Variants in ZNF83 observed in about 807,000 individuals in gnomAD.
ZNF83 encodes the protein zinc finger protein 83.
For synonymous variants in ZNF83, 209 were observed against 213.0 expected (o/e 0.98, Z 0.17); for missense variants, 552 against 629.9 (o/e 0.88, Z 1.32).
intron 1 of ZNF83, among the ~76,000 whole-genome samples, chr19:52,677,306 T>TAAAAA (rs67835464): frequency 1.9e-5 from 2 of 106,460 alleles, no homozygotes; most frequent in East Asian, 5.1e-4. Context: ...AATTGAGAAG[T>TAAAAA]AAAAAAAAAA....
At chr19:52,630,279 A>T (rs534269194) in intron 2 of ZNF83, among the ~76,000 whole-genome samples, 10 of 152,210 alleles carry the variant, frequency 6.6e-5, no homozygotes, top group Non-Finnish European at 1.3e-4. Context: ...GGAAGCCTAC[A>T]GGACCATCAC....
In ZNF83 at chr19:52,654,133, T is replaced by C. The variant is rs975371497; in HGVS notation, c.-74+1428A>G. ...TGAATAAAAGCTTGATCCAAGCTGA[T>C]CTTTAATAGGCTTGTTTCCAGCATG... On this transcript the variant is annotated intron_variant, in intron 3 of 5. Transcript: ENST00000594682. 7.5e-6 allele frequency: 12 copies of C among 1,605,614 alleles called. No homozygotes were observed. The East Asian group carries it at 2.7e-4, about 36-fold the overall frequency.
intron 2 of ZNF83, chr19:52,619,198 C>A: frequency 1.3e-6 from 2 of 1,595,478 alleles, no homozygotes; most frequent in Non-Finnish European, 1.7e-6. Context: ...TTTTTCACCA[C>A]ATGATGTCTT....
At chr19:52,618,344 C>T (rs936894618) in intron 2 of ZNF83, among the ~76,000 whole-genome samples, 1 of 151,868 alleles carries the variant, frequency 6.6e-6, no homozygotes, top group African/African-American at 2.4e-5. Flanking sequence ...ACTGCAAGCT[C>T]CGTCCCCTGG....
At chr19:52,660,151 A>G (rs1347429394) in intron 2 of ZNF83, among the ~76,000 whole-genome samples, 2 of 151,984 alleles carry the variant, frequency 1.3e-5, no homozygotes, top group Non-Finnish European at 2.9e-5. Flanking sequence ...GTAAGACCAC[A>G]GTAGTAAGCT....
At chr19:52,662,155 A>G (rs930196665) in intron 1 of ZNF83, among the ~76,000 whole-genome samples, 13 of 152,228 alleles carry the variant, frequency 8.5e-5, no homozygotes, top group African/African-American at 2.7e-4. Flanking sequence ...TCATGTATAC[A>G]CACAACTTTT....
At chr19:52,649,197 C>G (rs2061412421) in intron 3 of ZNF83, among the ~76,000 whole-genome samples, 1 of 152,190 alleles carries the variant, frequency 6.6e-6, no homozygotes, top group African/African-American at 2.4e-5. Context: ...CCAATTCCAG[C>G]CACACCAGGA....
chr19:52,630,937 G>C (rs892256386), intron 2 of ZNF83, among the ~76,000 whole-genome samples: 1 of 150,544 alleles, frequency 6.6e-6, no homozygotes, highest in African/African-American at 2.5e-5. Context: ...AAATTGTTTT[G>C]CCTATCCACC....
intron 1 of ZNF83, among the ~76,000 whole-genome samples, chr19:52,679,609 T>C (rs2061874457): frequency 6.6e-6 from 1 of 151,872 alleles, no homozygotes; most frequent in Non-Finnish European, 1.5e-5. Flanking sequence ...AGACTGTATC[T>C]CAAAAAATAA....
At chr19:52,620,058 G>C (rs1036635860) in intron 2 of ZNF83, among the ~76,000 whole-genome samples, 5 of 151,918 alleles carry the variant, frequency 3.3e-5, no homozygotes, top group Non-Finnish European at 1.5e-5. Context: ...CAAAATACAA[G>C]AAAACAAAAT....
At chr19:52,685,245 G>C (rs906969570) in intron 1 of ZNF83, among the ~76,000 whole-genome samples, 1 of 152,094 alleles carries the variant, frequency 6.6e-6, no homozygotes, top group African/African-American at 2.4e-5. Context: ...CAAGTTGCAG[G>C]GACGCTCACT....
intron 3 of ZNF83, chr19:52,654,079 G>T: frequency 1.3e-6 from 2 of 1,598,424 alleles, no homozygotes; most frequent in Non-Finnish European, 1.7e-6. Flanking sequence ...TTTCCCTTCA[G>T]TCTGAAATTC....
Position 52,664,907 on chromosome 19 carries a change from T to G in ZNF83, c.-282-4064A>C, listed in dbSNP as rs565851425. ...CAGTGAGGCTGGAACAGCTCAGGAG[T>G]CAGGGAAATAGTACCTCCCTGAGAA... On this transcript the variant is annotated intron_variant, in intron 1 of 5. Coordinates refer to the ZNF83 transcript ENST00000594682. Among the ~76,000 whole-genome samples, 100 of 151,732 alleles carry G rather than the reference T, an allele frequency of 6.6e-4. 1 individual carries two copies. The highest frequency in any genetic ancestry group is 7.1e-4 in the Non-Finnish European group (48 of 67,896).
At chr19:52,642,886 A>G (rs995492961), upstream of ZNF83, among the ~76,000 whole-genome samples, 17 of 151,970 alleles carry the variant, frequency 1.1e-4, no homozygotes, top group African/African-American at 3.4e-4. Flanking sequence ...GCCGGGCACC[A>G]TGGCTCATGC....
intron 3 of ZNF83, chr19:52,652,799 C>A: frequency 1.1e-6 from 1 of 885,412 alleles, no homozygotes. Flanking sequence ...TTGCCACACT[C>A]ATTGCACTTA....
At chr19:52,624,399 C>A (rs1277575170) in intron 2 of ZNF83, among the ~76,000 whole-genome samples, 1 of 152,164 alleles carries the variant, frequency 6.6e-6, no homozygotes, top group East Asian at 1.9e-4. Flanking sequence ...AAACCCCAAC[C>A]CCTTCTATAA....
chr19:52,662,817 C>G (rs748745172), intron 1 of ZNF83, among the ~76,000 whole-genome samples: 8 of 151,970 alleles, frequency 5.3e-5, no homozygotes, highest in Admixed American at 3.9e-4. Flanking sequence ...CGGCTCATTC[C>G]TATGTGATGG....
At chr19:52,646,060 A>G (rs1199980651) in intron 3 of ZNF83, among the ~76,000 whole-genome samples, 2 of 151,876 alleles carry the variant, frequency 1.3e-5, no homozygotes, top group African/African-American at 2.4e-5. Flanking sequence ...GTGCCTCAGC[A>G]TCTTGAGTAG....
intron 1 of ZNF83, among the ~76,000 whole-genome samples, chr19:52,684,273 G>A (rs1329796775): frequency 6.6e-6 from 1 of 151,998 alleles, no homozygotes; most frequent in Non-Finnish European, 1.5e-5. Flanking sequence ...GGCTGAGGCA[G>A]GAGAATTGCT....
Sources: allele counts gnomAD v4.1 joint callset (sites outside exome capture counted in the v4.1 genomes callset), GRCh38; gene constraint gnomAD v4.1.1; transcripts MANE v1.5; gene names NCBI Gene and HGNC (gene_info 2026-07-23, HGNC 2026-07-21).